TEX9: variants seen among roughly 807,000 people sequenced by gnomAD.
The protein encoded by TEX9 is testis expressed 9.
A neutral mutation model predicts 59.6 loss-of-function variants in TEX9; 74 were observed. The observed-to-expected ratio is 1.24, with a 90% CI of 1.03 to 1.51. The LOEUF (loss-of-function observed/expected upper bound fraction) is 1.51, where lower values mean the gene tolerates loss of function less well. Ranked by LOEUF, TEX9 falls within the 40% of genes most tolerant of loss-of-function variation. TEX9 has a pLI of 0.00. For synonymous variants in TEX9, 186 were observed against 152.2 expected, an observed-to-expected ratio of 1.22 and a Z score of -1.64; for missense variants, 522 against 447.8, an observed-to-expected ratio of 1.17 and a Z score of -1.49.
At chr15:56,268,485 T>G (rs1379401641) in intron 1 of TEX9, among the ~76,000 whole-genome samples, 1 of 152,184 alleles carries the variant, frequency 6.6e-6, no homozygotes, top group Non-Finnish European at 1.5e-5. Context: ...TCTTATTATT[T>G]TGAGATACGT....
chr15:56,267,582 G>T (rs1327273699), intron 1 of TEX9, among the ~76,000 whole-genome samples: 1 of 152,110 alleles, frequency 6.6e-6, no homozygotes, highest in Non-Finnish European at 1.5e-5. Context: ...TATTAAATAG[G>T]GAATCCTTTC....
intron 1 of TEX9, among the ~76,000 whole-genome samples, chr15:56,300,747 C>CAT (rs2045341019): frequency 9.5e-6 from 1 of 105,770 alleles, no homozygotes; most frequent in African/African-American, 4.0e-5. Flanking sequence ...GAGAGAGAGA[C>CAT]TTCATTTCAT....
chr15:56,321,106 A>C (rs1421251339), intron 1 of TEX9, among the ~76,000 whole-genome samples: 1 of 152,040 alleles, frequency 6.6e-6, no homozygotes, highest in Non-Finnish European at 1.5e-5. Context: ...CTTGTGGGAA[A>C]CTCAATGCCA....
At chr15:56,426,069 C>G (rs1394412981) in intron 10 of TEX9, among the ~76,000 whole-genome samples, 2 of 152,100 alleles carry the variant, frequency 1.3e-5, no homozygotes, top group African/African-American at 4.8e-5. Flanking sequence ...TTTTTTGCCA[C>G]CAGGTTCCTG....
chr15:56,358,250 T>C (rs551303632), intron 1 of TEX9, among the ~76,000 whole-genome samples: 100 of 152,256 alleles, frequency 6.6e-4, no homozygotes, highest in South Asian at 3.9e-3. Flanking sequence ...ATCTTGTTTA[T>C]TTGTGGGGAA....
At chr15:56,312,280 C>G (rs185699256) in intron 1 of TEX9, among the ~76,000 whole-genome samples, 6,034 of 133,304 alleles carry the variant, frequency 0.045, 273 homozygotes, top group African/African-American at 0.098. Flanking sequence ...GGTTTTAGGT[C>G]TAACGTTTAA....
chr15:56,321,785 C>A (rs547499330), intron 1 of TEX9, among the ~76,000 whole-genome samples: 9 of 152,024 alleles, frequency 5.9e-5, no homozygotes, highest in African/African-American at 2.2e-4. Context: ...TTTTGCTATC[C>A]TCAAGTACTG....
intron 1 of TEX9, among the ~76,000 whole-genome samples, chr15:56,344,009 G>C (rs2046419694): frequency 6.6e-6 from 1 of 152,086 alleles, no homozygotes; most frequent in Non-Finnish European, 1.5e-5. Flanking sequence ...ATATAAGATG[G>C]ACAATAACAA....
At chr15:56,269,774 C>G (rs2044480600) in intron 1 of TEX9, among the ~76,000 whole-genome samples, 2 of 151,848 alleles carry the variant, frequency 1.3e-5, no homozygotes, top group Admixed American at 1.3e-4. Context: ...CTGCCTCAGC[C>G]TCTCAAGTAG....
chr15:56,339,853 A>G (rs2046339256), intron 1 of TEX9, among the ~76,000 whole-genome samples: 1 of 152,102 alleles, frequency 6.6e-6, no homozygotes, highest in East Asian at 1.9e-4. Context: ...TAGGGAAAAG[A>G]TGACTGTCTC....
At chr15:56,303,182 C>A (rs2045401038) in intron 1 of TEX9, among the ~76,000 whole-genome samples, 1 of 152,136 alleles carries the variant, frequency 6.6e-6, no homozygotes, top group Admixed American at 6.5e-5. Flanking sequence ...AAACATTGGA[C>A]TTGATCTGTA....
At chr15:56,267,011 T>C (rs8040449) in intron 1 of TEX9, among the ~76,000 whole-genome samples, 16,534 of 152,170 alleles carry the variant, frequency 0.11, 1,606 homozygotes, top group East Asian at 0.48. Flanking sequence ...TTTTAATGAT[T>C]GCCATTCTAA....
At chr15:56,249,440 G>A (rs1443282985) in intron 1 of TEX9, among the ~76,000 whole-genome samples, 2 of 150,130 alleles carry the variant, frequency 1.3e-5, no homozygotes, top group Non-Finnish European at 3.0e-5. Context: ...GCACATCTGG[G>A]GAGAGAGAGA....
At chr15:56,380,721 A>C (rs189659841) in intron 3 of TEX9, among the ~76,000 whole-genome samples, 2 of 152,184 alleles carry the variant, frequency 1.3e-5, no homozygotes, top group East Asian at 3.9e-4. Flanking sequence ...TTTTTTCTTC[A>C]GCACTTTAAG....
intron 10 of TEX9, among the ~76,000 whole-genome samples, chr15:56,420,771 ACTTT>A (rs1267181589): frequency 1.3e-5 from 2 of 151,954 alleles, no homozygotes; most frequent in East Asian, 1.9e-4. Flanking sequence ...TATTCAGAAT[ACTTT>A]CTAATTTTCT....
intron 1 of TEX9, among the ~76,000 whole-genome samples, chr15:56,250,309 G>C (rs1208025812): frequency 6.6e-6 from 1 of 152,196 alleles, no homozygotes; most frequent in African/African-American, 2.4e-5. Context: ...AGAGCAAAAG[G>C]AGCTAAAGTT....
chr15:56,412,556 C>G (rs1368863071), intron 10 of TEX9, 120 bp downstream of exon 10: 3 of 1,135,356 alleles, frequency 2.6e-6, no homozygotes, highest in Non-Finnish European at 3.7e-6. Context: ...TTTCTCTTTT[C>G]AGAAGAAATA....
At chr15:56,447,953 C>T (rs949425881), downstream of TEX9, among the ~76,000 whole-genome samples, 5 of 152,164 alleles carry the variant, frequency 3.3e-5, no homozygotes, top group Non-Finnish European at 5.9e-5. Context: ...TCAAATACAT[C>T]CATTTATTGC....
intron 1 of TEX9, among the ~76,000 whole-genome samples, chr15:56,260,041 T>C (rs1350135903): frequency 1.3e-5 from 2 of 152,134 alleles, no homozygotes; most frequent in African/African-American, 2.4e-5. Context: ...ATTTTTTATT[T>C]ACCAATTGTT....
Sources: allele counts gnomAD v4.1 joint callset (sites outside exome capture counted in the v4.1 genomes callset), GRCh38; gene constraint gnomAD v4.1.1; transcripts MANE v1.5; gene names NCBI Gene and HGNC (gene_info 2026-07-23, HGNC 2026-07-21).